Variants in ARAP3 observed in about 807,000 individuals in gnomAD.
The protein encoded by ARAP3 is ArfGAP with RhoGAP domain, ankyrin repeat and PH domain 3.
A neutral mutation model predicts 169.2 loss-of-function variants in ARAP3; 82 were observed. That is an observed-to-expected ratio of 0.48 (90% CI 0.41 to 0.58). The LOEUF is 0.58. Ranked by LOEUF, ARAP3 falls within the 20% of genes least tolerant of loss-of-function variation. The pLI, the probability that ARAP3 is intolerant of heterozygous loss-of-function variation, is 0.00. For missense variants in ARAP3, 1,764 were observed against 2,018.0 expected (o/e 0.87, Z 2.41); for synonymous variants, 791 against 800.3 (o/e 0.99, Z 0.20).
At chr5:141,656,146 G>C (rs757519531) in intron 28 of ARAP3, 47 bp from the exon 29 acceptor site, 1 of 1,614,014 alleles carries the variant, frequency 6.2e-7, no homozygotes, top group African/African-American at 1.3e-5. Context: ...GGGCAGGGGG[G>C]TGAAGGCAGG....
At position 141,681,811 on chromosome 5, in the gene ARAP3, C is replaced by CT. The variant is rs2099913026; in HGVS notation, c.-18+361_-18+362insA. Among the ~76,000 whole-genome samples the CT allele has an allele frequency of 2.6e-5, 4 of 152,298 alleles. No individual in the cohort carries two copies. The South Asian group carries it at 8.3e-4, about 32-fold the overall frequency. ...CAGCATCACTGCTGGCCTCCCTCTG[C>CT]CTCTCTCCAGCTGGGCCTCATTCCC... On this transcript the variant is annotated intron_variant, in intron 1 of 32. Coordinates refer to ENST00000239440, the MANE Select transcript of ARAP3 (RefSeq NM_022481.6).
rs1256832041 is a variant in ARAP3, at chr5:141,670,641, G to A, written c.1991-13C>T. 5 of 1,611,216 alleles carry A rather than the reference G, an allele frequency of 3.1e-6. No individual in the cohort carries two copies. The highest frequency in any genetic ancestry group is 1.3e-5 in the African/African-American group (1 of 74,868). ...CCAGGGGAGGGGTCTGCAAGGGGAA[G>A]GGGAAGTAGTCAGGTCAACCAAGTG... is the stretch of plus-strand genomic sequence containing the variant. On this transcript the variant is annotated splice_polypyrimidine_tract_variant and intron_variant, in intron 13 of 32. Coordinates refer to ENST00000239440, the MANE Select transcript of ARAP3 (RefSeq NM_022481.6).
rs376760365 is a variant in ARAP3, at chr5:141,671,850, C to A, written c.1671+45G>T. 2.5e-6 allele frequency: 4 copies of A among 1,613,398 alleles called. No homozygotes were observed. The highest frequency in any genetic ancestry group is 1.3e-5 in the African/African-American group (1 of 74,906). On this transcript the variant is annotated intron_variant, in intron 11 of 32. Transcript: ENST00000239440. The surrounding 1 kb of genome is among the most constrained non-coding windows in gnomAD (Gnocchi z 4.9). ...GGCTGGCCCAAGGCCTGCTTCTGGA[C>A]GCTCCCTTCTACGCCTCCCACCTTC...
rs370474543 is a variant in ARAP3 at position 141,671,537 on chromosome 5, C to A, written c.1854+33G>T. 23 of 1,612,152 alleles carry A rather than the reference C, an allele frequency of 1.4e-5. No individual in the cohort carries two copies. The highest frequency in any genetic ancestry group is 1.7e-5 in the Non-Finnish European group (20 of 1,179,348). On this transcript the variant is annotated intron_variant, in intron 12 of 32. Coordinates refer to ENST00000239440, the MANE Select transcript of ARAP3 (RefSeq NM_022481.6). This position sits in a 1 kb window ranked among gnomAD's most constrained non-coding sequence, Gnocchi z 4.9. Reference sequence around the variant, plus strand: ...TCCAGAGAGTGTTTCCTGACCCCCCCACCCCAGATCACCCCTGCTCTGTCC... The same window carrying A: ...TCCAGAGAGTGTTTCCTGACCCCCCAACCCCAGATCACCCCTGCTCTGTCC...
Position 141,662,137 on chromosome 5 carries a change from C to G in ARAP3, c.2919G>C (p.Val973=). The G allele has an allele frequency of 6.2e-7, 1 of 1,614,166 alleles. No individual in the cohort carries two copies. The highest frequency in any genetic ancestry group is 8.5e-7 in the Non-Finnish European group (1 of 1,180,038). The stretch of plus-strand genomic sequence containing the variant: ...GTTTGAGTGTGTCAGTGACATCCTC[C>G]ACAAAGTGCTCCCCTGGTCGGAGCT... The part of the protein sequence containing the change: ...SVKLRPGEHF[V]EDVTDTLKRF... The change falls in exon 20 of 33, where the codon GTG becomes GTC. Residue 973 remains valine, a synonymous_variant. Transcript: ENST00000239440.
Position 141,681,710 on chromosome 5 carries a change from C to G in ARAP3, c.-18+463G>C, listed in dbSNP as rs903932711. ...TCTGTCTGCCTCTGAGCCTGGGTTTCTGTCTTCCGCCTCGGCCTAGGCTCT... is the reference window on the plus strand; with the variant it reads ...TCTGTCTGCCTCTGAGCCTGGGTTTGTGTCTTCCGCCTCGGCCTAGGCTCT... On this transcript the variant is annotated intron_variant, in intron 1 of 32. Transcript: ENST00000239440. 3.0e-4 allele frequency among the ~76,000 whole-genome samples: 46 copies of G among 152,352 alleles called. 1 individual carries two copies. The highest frequency in any genetic ancestry group is 1.1e-3 in the African/African-American group (44 of 41,590).
chr5:141,682,142 G>T (rs2099913110), intron 1 of ARAP3, 31 bp downstream of exon 1: 1 of 152,272 alleles, frequency 6.6e-6, no homozygotes, highest in African/African-American at 2.4e-5. Flanking sequence ...AGTCTGGGAA[G>T]CAGGGACCCG....
At chr5:141,657,527 A>G (rs773723887) in intron 25 of ARAP3, among the ~76,000 whole-genome samples, 2 of 152,246 alleles carry the variant, frequency 1.3e-5, no homozygotes, top group African/African-American at 2.4e-5. Flanking sequence ...TGCATGGAAA[A>G]TGGATTGTAG....
At chr5:141,658,995 A>G (rs983394138) in intron 23 of ARAP3, among the ~76,000 whole-genome samples, 1 of 152,230 alleles carries the variant, frequency 6.6e-6, no homozygotes, top group African/African-American at 2.4e-5. Flanking sequence ...GAGTTGTATC[A>G]TACTAACATG....
chr5:141,655,248 A>C lies in ARAP3; in HGVS notation c.4149+114T>G, dbSNP rs190798439. 9.2e-4 allele frequency: 1,029 copies of C among 1,124,126 alleles called. 11 individuals carry two copies. The East Asian group carries it at 0.023, about 25-fold the overall frequency. The allele number at this position is 1,124,126 out of a possible 1,614,324, so 69.6% of individuals were successfully genotyped here. On this transcript the variant is annotated intron_variant, in intron 32 of 32. Coordinates refer to ENST00000239440, the MANE Select transcript of ARAP3 (RefSeq NM_022481.6). ...CCTACACACACACACACACACACACACACACACACACCCCCTGATGGCCTA... is the reference window on the plus strand; with the variant it reads ...CCTACACACACACACACACACACACCCACACACACACCCCCTGATGGCCTA...
intron 27 of ARAP3, 108 bp from the exon 28 acceptor site, chr5:141,656,384 C>A: frequency 1.3e-6 from 2 of 1,595,512 alleles, no homozygotes; most frequent in East Asian, 2.3e-5. Flanking sequence ...TCACAGAAGT[C>A]GGGGGCAGGG....
chr5:141,679,926 T>C, intron 2 of ARAP3, 37 bp downstream of exon 2: 2 of 1,613,406 alleles, frequency 1.2e-6, no homozygotes, highest in Non-Finnish European at 1.7e-6. Context: ...TCCCCACTCC[T>C]CCCAGCATCA....
rs1421722103 is a variant in ARAP3, at chr5:141,672,646, C to T, written c.1291G>A (p.Gly431Ser). The T allele has an allele frequency of 6.2e-7, 1 of 1,613,752 alleles. No homozygotes were observed. Among genetic ancestry groups the T allele is most frequent in the Admixed American group, 1.7e-5 (1 of 59,968 alleles). ...AGTTCGATGAAGCAGATCCCGATGC[C>T]CAGAGAGAAGGCCTGGTGGGGTCAG... ...LYKSEQAFSL[G>S]IGICFIELQG... Residue 431 changes from glycine to serine, a missense_variant, in exon 9 of 33, where the codon GGC becomes AGC. Transcript: ENST00000239440. The surrounding 1 kb of genome is among the most constrained non-coding windows in gnomAD (Gnocchi z 4.9).
At chr5:141,677,341 G>A (rs959037806) in intron 4 of ARAP3, among the ~76,000 whole-genome samples, 1 of 152,090 alleles carries the variant, frequency 6.6e-6, no homozygotes, top group African/African-American at 2.4e-5. Context: ...TCTAGCAGGT[G>A]TTTTACATTT....
chr5:141,666,140 C>A (rs1243158498), intron 17 of ARAP3, among the ~76,000 whole-genome samples: 1 of 151,910 alleles, frequency 6.6e-6, no homozygotes, highest in East Asian at 1.9e-4. Context: ...AGATGCATTA[C>A]CCTATTTGAA....
Position 141,659,861 on chromosome 5 carries a change from C to A in ARAP3, c.3185G>T (p.Ser1062Ile). ...TRNLALLFAP[S>I]VFQTDGRGEH... is the part of the protein sequence containing the mutation. ...CCCTCGCCCATCCGTCTGGAACACG[C>A]TGGGTGCAAACAGCAGAGCCAAGTT... Residue 1062 changes from serine (S) to isoleucine (I), a missense_variant, in exon 22 of 33, where the codon AGC (serine) becomes ATC (isoleucine). Coordinates refer to ENST00000239440, the MANE Select transcript of ARAP3 (RefSeq NM_022481.6). 1 of 1,601,974 alleles carries A rather than the reference C, an allele frequency of 6.2e-7. No homozygotes were observed. The highest frequency in any genetic ancestry group is 1.3e-5 in the African/African-American group (1 of 75,024).
intron 6 of ARAP3, 60 bp from the exon 7 acceptor site, chr5:141,673,193 C>T: frequency 1.2e-6 from 2 of 1,609,104 alleles, no homozygotes; most frequent in Non-Finnish European, 1.7e-6. Context: ...GTGCCAGCCC[C>T]TGGGTCCTGC....
rs377755439 is a variant in ARAP3 at position 141,677,897 on chromosome 5, G to C, written c.698+1648C>G. Among the ~76,000 whole-genome samples, 6 of 151,132 alleles carry C rather than the reference G, an allele frequency of 4.0e-5. No homozygotes were observed. The East Asian group carries it at 1.2e-3, about 29-fold the overall frequency. On this transcript the variant is annotated intron_variant, in intron 4 of 32. Coordinates refer to ENST00000239440, the MANE Select transcript of ARAP3 (RefSeq NM_022481.6). ...CCTCCCGGGTTCAAGTGATTCTCCT[G>C]CCTCAGCCTCCCTAGTAGCTGGGAC...
intron 1 of ARAP3, chr5:141,680,975 G>A (rs1380902348): frequency 1.3e-5 from 2 of 157,202 alleles, no homozygotes; most frequent in African/African-American, 2.4e-5. Flanking sequence ...GAGGAAGGAG[G>A]TGCAGACGCC....
Sources: gnomAD v4.1 joint callset for allele counts (sites outside exome capture counted in the v4.1 genomes callset) on GRCh38, gnomAD v4.1.1 for gene constraint, Gnocchi (gnomAD v3.1) non-coding constraint, MANE v1.5 for transcripts, NCBI Gene and HGNC (gene_info 2026-07-23, HGNC 2026-07-21) for gene names.